The following PCDH11X variants were observed in gnomAD, a reference collection of about 807,000 sequenced individuals.
PCDH11X encodes protocadherin-11 X-linked.
Under a neutral mutation model 53.3 loss-of-function variants are expected in PCDH11X, and 18 were observed. That is an observed-to-expected ratio of 0.34 (90% CI 0.23 to 0.50). The LOEUF (loss-of-function observed/expected upper bound fraction) is 0.50, where lower values mean the gene tolerates loss of function less well. Ranked by LOEUF, PCDH11X falls within the 20% of genes least tolerant of loss-of-function variation. The probability of loss-of-function intolerance (pLI) is 0.98; values close to 1 mark genes in which losing one functional copy is unlikely to be tolerated. For missense variants in PCDH11X, 570 were observed against 1,032.4 expected (o/e 0.55, Z 6.14); for synonymous variants, 279 against 393.3 (o/e 0.71, Z 3.44).
At chrX:92,041,283 T>C (rs2063205167) in intron 6 of PCDH11X, among the ~76,000 whole-genome samples, 1 of 107,835 alleles carries the variant, frequency 9.3e-6, no homozygotes, top group Non-Finnish European at 1.9e-5. Context: ...TGCATATTCA[T>C]ATACTTGACT....
chrX:92,435,788 G>A (rs1198149918), intron 9 of PCDH11X, among the ~76,000 whole-genome samples: 1 of 111,169 alleles, frequency 9.0e-6, no homozygotes, highest in African/African-American at 3.3e-5. Flanking sequence ...TCTTGAAGGA[G>A]CACTAAATAT....
At chrX:92,071,563 T>C (rs2063702211) in intron 6 of PCDH11X, among the ~76,000 whole-genome samples, 1 of 110,796 alleles carries the variant, frequency 9.0e-6, no homozygotes, top group Non-Finnish European at 1.9e-5. Context: ...AGATATTTAT[T>C]GTAGTTTTCA....
intron 9 of PCDH11X, among the ~76,000 whole-genome samples, chrX:92,444,193 T>C (rs376578916): frequency 0.025 from 2,677 of 107,688 alleles, 62 homozygotes; most frequent in African/African-American, 0.069. Context: ...GTTTTTGTCA[T>C]CTCTGATTTC....
At position 92,622,988 on chromosome X, in the gene PCDH11X, G is replaced by C; in HGVS notation, c.*4048G>C. On this transcript the variant is annotated 3_prime_UTR_variant, in exon 11 of 11. Transcript: ENST00000682573. ...CTGCTTAAAATATTAAGATTTTTAT[G>C]AAATATGTATTTATGTTTGTATTGT... The C allele has an allele frequency of 9.0e-6, 1 of 110,535 alleles. No individual in the cohort carries two copies. The highest frequency in any genetic ancestry group is 1.9e-5 in the Non-Finnish European group (1 of 52,632). The allele number at this position is 110,535 out of a possible 1,213,427, so 9.1% of individuals were successfully genotyped here. A position where few individuals can be genotyped will look rare whatever the true frequency, so the allele number is the denominator to read the frequency against.
chrX:91,979,100 A>C (rs1026209723), intron 6 of PCDH11X, among the ~76,000 whole-genome samples: 1 of 111,536 alleles, frequency 9.0e-6, no homozygotes, highest in African/African-American at 3.3e-5. Context: ...ATTCAGACTG[A>C]ACATATCGTA....
intron 8 of PCDH11X, among the ~76,000 whole-genome samples, chrX:92,310,666 G>T (rs2068929699): frequency 9.1e-6 from 1 of 110,446 alleles, no homozygotes; most frequent in South Asian, 3.9e-4. Flanking sequence ...TGGGATTACA[G>T]GCTTGAGCCA....
chrX:92,176,004 T>G (rs4893168), intron 6 of PCDH11X, among the ~76,000 whole-genome samples: 1 of 110,604 alleles, frequency 9.0e-6, no homozygotes, highest in South Asian at 3.8e-4. Flanking sequence ...ACAGAAGAAG[T>G]TAGTGGCAAA....
chrX:91,917,342 C>T (rs1213820050), intron 6 of PCDH11X, among the ~76,000 whole-genome samples: 1 of 105,727 alleles, frequency 9.5e-6, no homozygotes, highest in Non-Finnish European at 1.9e-5. Context: ...AATCAAGGTG[C>T]ATCTATATTG....
At chrX:92,163,358 T>G (rs1306821539) in intron 6 of PCDH11X, among the ~76,000 whole-genome samples, 3 of 108,076 alleles carry the variant, frequency 2.8e-5, no homozygotes, top group East Asian at 3.0e-4. Context: ...GCCAGGAGAC[T>G]TCGCATTTGG....
intron 7 of PCDH11X, among the ~76,000 whole-genome samples, chrX:92,229,748 A>G (rs187790122): frequency 8.9e-6 from 1 of 111,833 alleles, no homozygotes; most frequent in Admixed American, 9.5e-5. Context: ...TATTCTGGAT[A>G]AAATGAAATC....
At chrX:92,109,576 T>C (rs2064457843) in intron 6 of PCDH11X, among the ~76,000 whole-genome samples, 1 of 111,310 alleles carries the variant, frequency 9.0e-6, no homozygotes. Flanking sequence ...GCAAAATATC[T>C]CAAGCACTGA....
intron 10 of PCDH11X, among the ~76,000 whole-genome samples, chrX:92,473,534 G>A (rs910274905): frequency 2.2e-4 from 24 of 110,920 alleles, no homozygotes; most frequent in South Asian, 3.8e-4. Context: ...AAGATGCGTC[G>A]TTAGGTTGTT....
intron 1 of PCDH11X, among the ~76,000 whole-genome samples, chrX:91,784,016 T>C (rs1935251191): frequency 8.9e-6 from 1 of 111,743 alleles, no homozygotes; most frequent in East Asian, 2.8e-4. Context: ...AGCCAAGAAA[T>C]GTATCTGGAA....
At chrX:92,547,143 G>T (rs112167864) in intron 10 of PCDH11X, among the ~76,000 whole-genome samples, 7,201 of 107,680 alleles carry the variant, frequency 0.067, 252 homozygotes, top group Admixed American at 0.2. Context: ...CAGAAATTCT[G>T]CATAAATTCC....
At chrX:91,827,241 G>C (rs185578581) in intron 4 of PCDH11X, among the ~76,000 whole-genome samples, 4 of 111,539 alleles carry the variant, frequency 3.6e-5, no homozygotes, top group Non-Finnish European at 7.5e-5. Context: ...TCATATGCTT[G>C]CTGGCCACAT....
intron 4 of PCDH11X, among the ~76,000 whole-genome samples, chrX:91,821,634 C>G (rs899130903): frequency 9.5e-6 from 1 of 105,637 alleles, no homozygotes; most frequent in African/African-American, 3.7e-5. Context: ...GACAATTTGA[C>G]TTCCTCTTTT....
intron 10 of PCDH11X, among the ~76,000 whole-genome samples, chrX:92,504,844 T>C (rs1026761312): frequency 3.6e-4 from 40 of 110,981 alleles, no homozygotes; most frequent in Non-Finnish European, 6.3e-4. Flanking sequence ...CCTTTTTCAC[T>C]AATTGTGGTT....
rs1412693342 is a variant in PCDH11X at position 91,883,113 on chromosome X, T to C, written c.3033+3840T>C. 6 of 1,003,038 alleles carry C rather than the reference T, an allele frequency of 6.0e-6. No individual in the cohort carries two copies. In the Middle Eastern group the frequency reaches 1.2e-3, roughly 198 times the overall value. 82.7% of individuals were successfully genotyped at this position (1,003,038 alleles called of 1,213,427 possible). On this transcript the variant is annotated intron_variant, in intron 6 of 10. Coordinates refer to ENST00000682573, the MANE Select transcript of PCDH11X (RefSeq NM_032968.5). ...TGTCCTAGTGAACCTTGTGCTTTCT[T>C]TAGCTGTAATCTGGCAATGGAAATT... is the stretch of plus-strand genomic sequence containing the variant.
At chrX:92,605,477 C>CA (rs199636158) in intron 10 of PCDH11X, among the ~76,000 whole-genome samples, 35 of 109,239 alleles carry the variant, frequency 3.2e-4, no homozygotes, top group Admixed American at 1.9e-3. Flanking sequence ...AGTAACTAGG[C>CA]AAAAAAAATA....
Sources: gnomAD v4.1 joint callset for allele counts (sites outside exome capture counted in the v4.1 genomes callset) on GRCh38, gnomAD v4.1.1 for gene constraint, MANE v1.5 for transcripts, NCBI Gene and HGNC (gene_info 2026-07-23, HGNC 2026-07-21) for gene names.